The following MUSK variants were observed in gnomAD, a reference collection of about 807,000 sequenced individuals.
MUSK encodes the protein muscle, skeletal receptor tyrosine-protein kinase.
MUSK carries 55 observed loss-of-function variants against 88.7 expected under a neutral mutation model. That is an observed-to-expected ratio of 0.62 (90% CI 0.50 to 0.78). The LOEUF is 0.78. Ranked by LOEUF, MUSK falls within the 30% of genes least tolerant of loss-of-function variation. The pLI, the probability that MUSK is intolerant of heterozygous loss-of-function variation, is 0.00. For missense variants in MUSK, 1,015 were observed against 1,074.3 expected, an observed-to-expected ratio of 0.94 and a Z score of 0.77; for synonymous variants, 387 against 391.9, an observed-to-expected ratio of 0.99 and a Z score of 0.15.
chr9:110,789,025 G>A (rs1250116280), intron 14 of MUSK, among the ~76,000 whole-genome samples: 1 of 152,196 alleles, frequency 6.6e-6, no homozygotes, highest in African/African-American at 2.4e-5. Context: ...GAGAGGTAAT[G>A]GGGGAGGTAG....
chr9:110,669,837 A>G (rs901699297), intron 1 of MUSK, among the ~76,000 whole-genome samples: 2 of 152,206 alleles, frequency 1.3e-5, no homozygotes, highest in African/African-American at 4.8e-5. Flanking sequence ...AGTGGTATCA[A>G]TACAAGAGTT....
rs143664144 is a variant in MUSK, at chr9:110,797,415, G to T, written c.1928-2891G>T. ...AGAGTAACTGAAAATGAGATTATGG[G>T]AGGTATACAAATGTATGGAATGACA... On this transcript the variant is annotated intron_variant, in intron 14 of 14. Transcript: ENST00000374448. Among the ~76,000 whole-genome samples, 11 of 151,998 alleles carry T rather than the reference G, an allele frequency of 7.2e-5. No homozygotes were observed. In the East Asian group the frequency reaches 2.1e-3, roughly 29 times the overall value.
chr9:110,789,201 C>T (rs1441357457), intron 14 of MUSK, among the ~76,000 whole-genome samples: 3 of 152,206 alleles, frequency 2.0e-5, no homozygotes, highest in Non-Finnish European at 4.4e-5. Context: ...ATCAGGAAGA[C>T]AGTAAACAGG....
Position 110,801,883 on chromosome 9 carries a change from C to A in MUSK, c.*895C>A, listed in dbSNP as rs1325372975. 6.6e-6 allele frequency among the ~76,000 whole-genome samples: 1 copy of A among 152,108 alleles called. No homozygotes were observed. Among genetic ancestry groups the A allele is most frequent in the Non-Finnish European group, 1.5e-5 (1 of 68,008 alleles). ...TTCATTCATGTAATAAACACTCTGG[C>A]AGAAATAATAACATTTTAAATACCA... On this transcript the variant is annotated 3_prime_UTR_variant, in exon 15 of 15. Transcript: ENST00000374448.
At chr9:110,698,802 G>A (rs1287111348) in intron 5 of MUSK, among the ~76,000 whole-genome samples, 4 of 152,032 alleles carry the variant, frequency 2.6e-5, no homozygotes, top group East Asian at 1.9e-4. Flanking sequence ...TTGAAGCTCC[G>A]TATTCAACAA....
intron 3 of MUSK, among the ~76,000 whole-genome samples, chr9:110,690,147 T>TAA (rs2076309096): frequency 1.9e-5 from 2 of 106,236 alleles, no homozygotes; most frequent in Non-Finnish European, 3.4e-5. Flanking sequence ...TAGAAATATA[T>TAA]ATTTAAGTAT....
intron 5 of MUSK, among the ~76,000 whole-genome samples, chr9:110,725,291 C>T (rs1386263602): frequency 6.6e-6 from 1 of 151,878 alleles, no homozygotes; most frequent in African/African-American, 2.4e-5. Flanking sequence ...TAAAAGACTA[C>T]ATATTACGTA....
At chr9:110,678,441 G>T (rs2076058339) in intron 1 of MUSK, among the ~76,000 whole-genome samples, 1 of 152,038 alleles carries the variant, frequency 6.6e-6, no homozygotes, top group African/African-American at 2.4e-5. Context: ...ACTGCACCTG[G>T]CTCCTTGTAG....
chr9:110,706,684 C>G (rs1194996288), intron 5 of MUSK, among the ~76,000 whole-genome samples: 1 of 152,120 alleles, frequency 6.6e-6, no homozygotes, highest in Admixed American at 6.6e-5. Context: ...CCTGTTTTGA[C>G]CAGTGGCATA....
Position 110,787,789 on chromosome 9 carries a change from G to T in MUSK, c.1878G>T (p.Glu626Asp). Residue 626 changes from glutamate to aspartate, a missense_variant, in exon 14 of 15, where the codon GAG (glutamate) becomes GAT (aspartate). Transcript: ENST00000374448. ...ATATGCAAGCGGACTTTCAGAGGGAGGCAGCCCTCATGGCAGAATTTGACA... is the reference window on the plus strand; with the variant it reads ...ATATGCAAGCGGACTTTCAGAGGGATGCAGCCCTCATGGCAGAATTTGACA... ...SADMQADFQR[E>D]AALMAEFDNP... 4 of 1,613,664 alleles carry T rather than the reference G, an allele frequency of 2.5e-6. No homozygotes were observed. The highest frequency in any genetic ancestry group is 2.5e-6 in the Non-Finnish European group (3 of 1,179,756).
chr9:110,739,466 C>A (rs932835028), intron 6 of MUSK, among the ~76,000 whole-genome samples: 3 of 152,144 alleles, frequency 2.0e-5, no homozygotes, highest in African/African-American at 7.2e-5. Context: ...TAGTTTCCAG[C>A]CCCTCCAAAG....
In MUSK at chr9:110,802,447, G is replaced by A. The variant is rs540744852; in HGVS notation, c.*1459G>A. On this transcript the variant is annotated 3_prime_UTR_variant, in exon 15 of 15. Coordinates refer to ENST00000374448, the MANE Select transcript of MUSK (RefSeq NM_005592.4). The stretch of plus-strand genomic sequence containing the variant: ...CAGACTAATTGGTAGTTAGGGCATT[G>A]GAGGAATGGTGTGAATTCTTGAAAG... 6.6e-6 allele frequency among the ~76,000 whole-genome samples: 1 copy of A among 152,170 alleles called. No individual in the cohort carries two copies. Among genetic ancestry groups the A allele is most frequent in the African/African-American group, 2.4e-5 (1 of 41,446 alleles).
At chr9:110,708,428 G>A (rs755747089) in intron 5 of MUSK, among the ~76,000 whole-genome samples, 3 of 151,974 alleles carry the variant, frequency 2.0e-5, no homozygotes, top group Admixed American at 1.3e-4. Context: ...TCCTGTTCCC[G>A]GCATCAGTCC....
Position 110,675,715 on chromosome 9 carries a change from C to T in MUSK, c.79+6732C>T, listed in dbSNP as rs551674154. On this transcript the variant is annotated intron_variant, in intron 1 of 14. Coordinates refer to ENST00000374448, the MANE Select transcript of MUSK (RefSeq NM_005592.4). Reference sequence around the variant, plus strand: ...CTCCCGAGTAGCTGGGATTACAGGCCTGCACCACCACACCCAGCTAATTTT... The same window carrying T: ...CTCCCGAGTAGCTGGGATTACAGGCTTGCACCACCACACCCAGCTAATTTT... 9.3e-5 allele frequency among the ~76,000 whole-genome samples: 14 copies of T among 150,916 alleles called. No individual in the cohort carries two copies. In the South Asian group the frequency reaches 2.9e-3, roughly 32 times the overall value.
intron 14 of MUSK, among the ~76,000 whole-genome samples, chr9:110,790,346 T>A (rs2077952088): frequency 6.6e-6 from 1 of 152,056 alleles, no homozygotes; most frequent in South Asian, 2.1e-4. Flanking sequence ...TGTTTTGCCA[T>A]AAAGGTGAAC....
chr9:110,744,231 C>T (rs10980552), intron 6 of MUSK, among the ~76,000 whole-genome samples: 69,348 of 151,972 alleles, frequency 0.46, 17,062 homozygotes, highest in African/African-American at 0.62. Context: ...TCTTCCAAAG[C>T]GCTGGGATTA....
chr9:110,764,065 T>C (rs140925014), intron 8 of MUSK, among the ~76,000 whole-genome samples: 188 of 152,310 alleles, frequency 1.2e-3, no homozygotes, highest in Middle Eastern at 0.01. Flanking sequence ...CAACTGAGTT[T>C]ATATTGTAAG....
intron 9 of MUSK, among the ~76,000 whole-genome samples, chr9:110,769,247 T>C (rs557103170): frequency 6.6e-6 from 1 of 152,336 alleles, no homozygotes; most frequent in African/African-American, 2.4e-5. Context: ...TTGCAATAAT[T>C]TGAGGACACT....
intron 9 of MUSK, among the ~76,000 whole-genome samples, chr9:110,769,451 G>A (rs1015830710): frequency 6.6e-6 from 1 of 151,920 alleles, no homozygotes; most frequent in African/African-American, 2.4e-5. Flanking sequence ...AGAATAAGAA[G>A]GGGAAAGAGA....
Sources: allele counts gnomAD v4.1 joint callset (sites outside exome capture counted in the v4.1 genomes callset), GRCh38; gene constraint gnomAD v4.1.1; transcripts MANE v1.5; gene names NCBI Gene and HGNC (gene_info 2026-07-23, HGNC 2026-07-21).